NME6: variants seen among roughly 807,000 people sequenced by gnomAD.
The protein encoded by NME6 is nucleoside diphosphate kinase 6, mitochondrial.
NME6 carries 16 observed loss-of-function variants against 22.2 expected under a neutral mutation model. That is an observed-to-expected ratio of 0.72 (90% CI 0.49 to 1.09). The LOEUF is 1.09. Among genes scored for constraint, NME6 ranks in the 50% least tolerant of loss-of-function variants. The pLI is 0.00. For missense variants in NME6, 229 were observed against 239.0 expected (o/e 0.96, Z 0.28); for synonymous variants, 58 against 85.2 (o/e 0.68, Z 1.76).
In NME6 at chr3:48,294,795, CCA is replaced by C. The variant is rs1315331310; in HGVS notation, c.401_402del (p.Val134GlyfsTer13). On this transcript the variant is annotated frameshift_variant, in exon 6 of 6. Coordinates refer to ENST00000442597, the MANE Select transcript of NME6 (RefSeq NM_001308426.2). LOFTEE classifies it high-confidence loss of function. ...TRNTTHGSDS[V>X]VSASREIAAF... ...GCTGCAATCTCTCTGCTGGCTGAAA[CCA>C]CAGAGTCTGTAAGGGGAGATAAGAC... is the stretch of plus-strand genomic sequence containing the variant. The C allele has an allele frequency of 1.9e-6, 3 of 1,614,008 alleles. No homozygotes were observed. The highest frequency in any genetic ancestry group is 2.2e-5 in the East Asian group (1 of 44,882).
intron 1 of NME6, chr3:48,299,124 G>T (rs542846932): frequency 4.8e-4 from 271 of 569,168 alleles, no homozygotes; most frequent in Non-Finnish European, 7.0e-4. Flanking sequence ...GTCCTCAGTG[G>T]TAACACTGAG....
rs746069617 is a variant in NME6, at chr3:48,298,515, ATC to A, written c.-1_1del. ...CTGAGGGCTTCGCAAGATTGAGGCC[ATC>A]TCACTCCTGCCATTAGAGAGCTGTA... On this transcript the variant is annotated start_lost and start_retained_variant and 5_prime_UTR_variant, in exon 2 of 6. Coordinates refer to ENST00000442597, the MANE Select transcript of NME6 (RefSeq NM_001308426.2). The A allele has an allele frequency of 3.7e-6, 6 of 1,601,756 alleles. No individual in the cohort carries two copies. The South Asian group carries it at 6.7e-5, about 18-fold the overall frequency.
chr3:48,300,259 T>G, intron 1 of NME6: 1 of 456,792 alleles, frequency 2.2e-6, no homozygotes, highest in Non-Finnish European at 4.4e-6. Context: ...CTGCATGATC[T>G]TGTGGTTCCC....
chr3:48,291,728 G>A (rs1470435179), downstream of NME6: 1 of 152,644 alleles, frequency 6.6e-6, no homozygotes. Flanking sequence ...ATGTTGCCCA[G>A]GCTACAATTG....
chr3:48,289,874 A>G (rs1026014884), downstream of NME6, among the ~76,000 whole-genome samples: 4 of 152,230 alleles, frequency 2.6e-5, no homozygotes, highest in African/African-American at 4.8e-5. Context: ...ACACAGCTGT[A>G]AAACACAGAA....
intron 4 of NME6, chr3:48,295,738 G>T: frequency 4.4e-6 from 1 of 226,416 alleles, no homozygotes; most frequent in Non-Finnish European, 8.6e-6. Flanking sequence ...TTTTTGAGAC[G>T]AAGTTTCACT....
chr3:48,288,154 G>A (rs1205400191), downstream of NME6, among the ~76,000 whole-genome samples: 1 of 152,092 alleles, frequency 6.6e-6, no homozygotes, highest in African/African-American at 2.4e-5. Flanking sequence ...GCCGAGATGG[G>A]TGAATCGCTT....
rs2035157036 is a variant in NME6, at chr3:48,296,808, T to C, written c.112A>G (p.Ser38Gly). Residue 38 changes from serine (S) to glycine (G), a missense_variant, in exon 3 of 6, where the codon AGC (serine) becomes GGC (glycine). Ser to Gly is a moderately conservative substitution (Grantham distance 56). Coordinates refer to ENST00000442597, the MANE Select transcript of NME6 (RefSeq NM_001308426.2). ...ATTCGTACAATCAGGAACTTGTTGC[T>C]TAGAATCTGCTGATGAACAGCCTGA... is the stretch of plus-strand genomic sequence containing the variant. ...ILEAVHQQIL[S>G]NKFLIVRMRE... 14 of 1,613,336 alleles carry C rather than the reference T, an allele frequency of 8.7e-6. No individual in the cohort carries two copies. Among genetic ancestry groups the C allele is most frequent in the Non-Finnish European group, 1.1e-5 (13 of 1,179,610 alleles).
chr3:48,294,831 G>C (rs753705171), intron 5 of NME6, 28 bp from the exon 6 acceptor site: 2 of 1,605,864 alleles, frequency 1.2e-6, no homozygotes, highest in South Asian at 2.2e-5. Context: ...ACAGAGAAGG[G>C]GTTCTCACAT....
rs1036872479 is a variant in NME6, at chr3:48,298,538, C to G, written c.-7-15G>C. On this transcript the variant is annotated splice_polypyrimidine_tract_variant and intron_variant, in intron 1 of 5. Coordinates refer to ENST00000442597, the MANE Select transcript of NME6 (RefSeq NM_001308426.2). ...CCATCTCACTCCTGCCATTAGAGAG[C>G]TGTATTAGGAACCCTTCAGGACGGC... The G allele has an allele frequency of 6.3e-7, 1 of 1,582,990 alleles. No homozygotes were observed. The highest frequency in any genetic ancestry group is 1.4e-5 in the African/African-American group (1 of 74,064).
At chr3:48,289,302 G>T (rs193257864), downstream of NME6, among the ~76,000 whole-genome samples, 51 of 152,236 alleles carry the variant, frequency 3.4e-4, no homozygotes, top group Non-Finnish European at 6.6e-4. Flanking sequence ...GACCTCAGGT[G>T]ATCTGCCCTG....
At chr3:48,287,683 T>C, downstream of NME6, 1 of 152,188 alleles carries the variant, frequency 6.6e-6, no homozygotes, top group East Asian at 1.9e-4. Flanking sequence ...AGGAAATAAT[T>C]GCCAGAGTAA....
At chr3:48,296,089 A>G (rs2035061197) in intron 4 of NME6, 30 bp downstream of exon 4, 1 of 1,419,680 alleles carries the variant, frequency 7.0e-7, no homozygotes, top group Non-Finnish European at 1.0e-6. Context: ...GCCTCAGTGG[A>G]TAAAGATGCT....
chr3:48,289,638 G>A (rs1165896803), downstream of NME6, among the ~76,000 whole-genome samples: 1 of 152,140 alleles, frequency 6.6e-6, no homozygotes, highest in African/African-American at 2.4e-5. Flanking sequence ...CCCACACCTA[G>A]TCTTCATCTG....
At chr3:48,296,470 T>C (rs1003009889) in intron 3 of NME6, among the ~76,000 whole-genome samples, 5 of 152,186 alleles carry the variant, frequency 3.3e-5, no homozygotes, top group African/African-American at 1.2e-4. Flanking sequence ...ATGGTAAACA[T>C]TCATTCACTA....
downstream of NME6, among the ~76,000 whole-genome samples, chr3:48,287,781 TC>T (rs2034252737): frequency 6.6e-6 from 1 of 152,044 alleles, no homozygotes; most frequent in Non-Finnish European, 1.5e-5. Context: ...CCATTGTTCA[TC>T]CTAACAAGAA....
At position 48,293,860 on chromosome 3, in the gene NME6, G is replaced by GA. The variant is rs1339672080; in HGVS notation, c.*776dup. On this transcript the variant is annotated 3_prime_UTR_variant, in exon 6 of 6. Transcript: ENST00000442597. The stretch of plus-strand genomic sequence containing the variant: ...AGATGAAGAAAAACACACAGAAGGA[G>GA]AAAACCAAGGGTGTGGGATCAGAAA... 2 of 152,238 alleles carry GA rather than the reference G, an allele frequency of 1.3e-5. No individual in the cohort carries two copies. The highest frequency in any genetic ancestry group is 2.9e-5 in the Non-Finnish European group (2 of 68,042). The allele number at this position is 152,238 out of a possible 1,614,324, so 9.4% of individuals were successfully genotyped here.
At chr3:48,295,407 C>A in intron 4 of NME6, 172 bp from the exon 5 acceptor site, 1 of 707,276 alleles carries the variant, frequency 1.4e-6, no homozygotes, top group African/African-American at 1.8e-5. Flanking sequence ...TGGTGTACAT[C>A]AAGCCTGCAG....
chr3:48,291,610 C>A (rs552410294), downstream of NME6: 3 of 159,262 alleles, frequency 1.9e-5, no homozygotes, highest in Admixed American at 2.0e-4. Flanking sequence ...GTCTCAAACT[C>A]CTGGACTTAA....
Sources: gnomAD v4.1 joint callset for allele counts (sites outside exome capture counted in the v4.1 genomes callset) on GRCh38, gnomAD v4.1.1 for gene constraint, MANE v1.5 for transcripts, NCBI Gene and HGNC (gene_info 2026-07-23, HGNC 2026-07-21) for gene names.